The following ROR2 variants were observed in gnomAD, a reference collection of about 807,000 sequenced individuals.
ROR2 encodes the protein ROR family WNT receptor 2, also known as tyrosine-protein kinase transmembrane receptor ROR2.
In ROR2, 33 loss-of-function variants were observed where a neutral mutation model predicts 74.9. The ratio of observed to expected loss-of-function variants is 0.44; its 90% CI spans 0.33 to 0.59. ROR2 has a LOEUF of 0.59. ROR2 is among the 20% of genes least tolerant of loss of function. ROR2 has a pLI of 0.02. For missense variants in ROR2, 1,216 were observed against 1,313.8 expected (o/e 0.93, Z 1.15); for synonymous variants, 586 against 558.7 (o/e 1.05, Z -0.69).
intron 1 of ROR2, among the ~76,000 whole-genome samples, chr9:91,806,886 GC>G (rs1371154420): frequency 2.6e-5 from 4 of 152,202 alleles, no homozygotes; most frequent in African/African-American, 9.6e-5. Context: ...ATCGCGCCTG[GC>G]CGATCATATT....
intron 1 of ROR2, chr9:91,948,582 T>A: frequency 2.0e-6 from 2 of 985,410 alleles, no homozygotes; most frequent in Non-Finnish European, 2.4e-6. Flanking sequence ...CAGGAAAGAC[T>A]GTGCAGCCTT....
chr9:91,737,563 A>G, intron 4 of ROR2, 45 bp from the exon 5 acceptor site: 1 of 1,613,530 alleles, frequency 6.2e-7, no homozygotes, highest in Non-Finnish European at 8.5e-7. Context: ...GGGAGGTGCC[A>G]GGTCCCGCCA....
At chr9:91,839,641 G>C (rs1828724370) in intron 1 of ROR2, among the ~76,000 whole-genome samples, 1 of 151,076 alleles carries the variant, frequency 6.6e-6, no homozygotes. Context: ...TGTGTGGTGT[G>C]AGAGGTATAT....
intron 1 of ROR2, among the ~76,000 whole-genome samples, chr9:91,789,344 T>A (rs1826899045): frequency 6.6e-6 from 1 of 152,168 alleles, no homozygotes; most frequent in African/African-American, 2.4e-5. Context: ...GAACACTGGA[T>A]AGGAATTTTA....
chr9:91,892,039 ATCTG>A lies in ROR2; in HGVS notation c.97+57824_97+57827del, dbSNP rs113189507. On this transcript the variant is annotated intron_variant, in intron 1 of 8. Transcript: ENST00000375708. ...CTCCAGGCTGGGCAACAGAACAAGA[ATCTG>A]TCTAAGAAGAAAAAAAAAAAAAAAA... 1.0e-3 allele frequency among the ~76,000 whole-genome samples: 145 copies of A among 143,508 alleles called. 1 individual carries two copies. Among genetic ancestry groups the A allele is most frequent in the African/African-American group, 3.7e-3 (133 of 35,988 alleles). 94.1% of individuals were successfully genotyped at this position (143,508 alleles called of 152,430 possible).
chr9:91,877,627 T>C (rs1477964560), intron 1 of ROR2, among the ~76,000 whole-genome samples: 1 of 152,236 alleles, frequency 6.6e-6, no homozygotes, highest in Non-Finnish European at 1.5e-5. Context: ...GAGTCAATTC[T>C]CACTCAGCCT....
chr9:91,861,184 C>T (rs1484109797), intron 1 of ROR2, among the ~76,000 whole-genome samples: 1 of 152,098 alleles, frequency 6.6e-6, no homozygotes, highest in African/African-American at 2.4e-5. Context: ...TGGAAATACT[C>T]CTCAAATTTT....
chr9:91,726,785 C>A (rs1837056721), intron 7 of ROR2, 42 bp from the exon 8 acceptor site: 1 of 1,591,442 alleles, frequency 6.3e-7, no homozygotes, highest in African/African-American at 1.3e-5. Context: ...GAAAACATCC[C>A]TTTTCTACTC....
intron 1 of ROR2, among the ~76,000 whole-genome samples, chr9:91,893,289 A>C (rs977719569): frequency 6.6e-5 from 10 of 151,972 alleles, no homozygotes; most frequent in African/African-American, 2.4e-4. Context: ...AAAATACAAA[A>C]ATTAGCTGGG....
chr9:91,780,234 G>A (rs917389590), intron 1 of ROR2, among the ~76,000 whole-genome samples: 20 of 152,158 alleles, frequency 1.3e-4, no homozygotes, highest in Middle Eastern at 3.4e-3. Flanking sequence ...AAAATTAGCC[G>A]GGCATGGTGG....
At chr9:91,835,747 AG>A (rs1828592729) in intron 1 of ROR2, among the ~76,000 whole-genome samples, 1 of 152,186 alleles carries the variant, frequency 6.6e-6, no homozygotes, top group African/African-American at 2.4e-5. Flanking sequence ...AGGAGGCGGA[AG>A]GGTGCACCTG....
intron 1 of ROR2, among the ~76,000 whole-genome samples, chr9:91,826,015 C>T (rs533963902): frequency 1.6e-4 from 25 of 152,294 alleles, no homozygotes; most frequent in African/African-American, 5.5e-4. Flanking sequence ...GTGGCTTCGC[C>T]CCCCTGCCTG....
intron 1 of ROR2, among the ~76,000 whole-genome samples, chr9:91,840,352 A>G (rs1828745133): frequency 6.6e-6 from 1 of 152,228 alleles, no homozygotes; most frequent in African/African-American, 2.4e-5. Flanking sequence ...CTGAAAACCC[A>G]GAGCCTTCCA....
chr9:91,919,156 T>C (rs1831208842), intron 1 of ROR2, among the ~76,000 whole-genome samples: 2 of 152,246 alleles, frequency 1.3e-5, no homozygotes, highest in Non-Finnish European at 2.9e-5. Context: ...TACTTCCTCA[T>C]ACTGCCAGGA....
rs150733873 is a variant in ROR2 at position 91,892,260 on chromosome 9, G to C, written c.97+57607C>G. ...GAAACCCGCCATCAGCACATCCTTG[G>C]GTAGGGCCCTAGGTAAGTGCACCGG... On this transcript the variant is annotated intron_variant, in intron 1 of 8. Coordinates refer to ENST00000375708, the MANE Select transcript of ROR2 (RefSeq NM_004560.4). 4.6e-3 allele frequency among the ~76,000 whole-genome samples: 694 copies of C among 152,284 alleles called. 4 individuals carry two copies. The highest frequency in any genetic ancestry group is 0.016 in the African/African-American group (651 of 41,554).
intron 1 of ROR2, among the ~76,000 whole-genome samples, chr9:91,836,937 T>G (rs1412151719): frequency 6.6e-6 from 1 of 152,262 alleles, no homozygotes; most frequent in African/African-American, 2.4e-5. Flanking sequence ...GTTTGCAGCT[T>G]TGGTCAATGG....
chr9:91,943,423 C>T (rs767762903), intron 1 of ROR2, among the ~76,000 whole-genome samples: 1 of 152,090 alleles, frequency 6.6e-6, no homozygotes, highest in African/African-American at 2.4e-5. Flanking sequence ...ATGAGTTACA[C>T]TGATACCTCC....
intron 1 of ROR2, among the ~76,000 whole-genome samples, chr9:91,804,528 C>A (rs753896268): frequency 2.6e-5 from 4 of 152,206 alleles, no homozygotes; most frequent in Non-Finnish European, 2.9e-5. Context: ...ATGCTCATCT[C>A]CTGAGGAGAG....
At chr9:91,728,272 A>G (rs1837111107) in intron 7 of ROR2, among the ~76,000 whole-genome samples, 1 of 152,248 alleles carries the variant, frequency 6.6e-6, no homozygotes, top group African/African-American at 2.4e-5. Flanking sequence ...TAAATGGTTA[A>G]GTTTCGTGTT....
Sources: allele counts gnomAD v4.1 joint callset (sites outside exome capture counted in the v4.1 genomes callset), GRCh38; gene constraint gnomAD v4.1.1; transcripts MANE v1.5; gene names NCBI Gene and HGNC (gene_info 2026-07-23, HGNC 2026-07-21).